Variants in PAMR1 observed in about 807,000 individuals in gnomAD.
PAMR1 encodes the protein inactive serine protease PAMR1.
PAMR1 carries 88 observed loss-of-function variants against 81.8 expected under a neutral mutation model. That is an observed-to-expected ratio of 1.08 (90% CI 0.91 to 1.28). The LOEUF (loss-of-function observed/expected upper bound fraction) is 1.28, where lower values mean the gene tolerates loss of function less well. Ranked by LOEUF, PAMR1 falls within the 50% of genes most tolerant of loss-of-function variation. The pLI, the probability that PAMR1 is intolerant of heterozygous loss-of-function variation, is 0.00. For missense variants in PAMR1, 935 were observed against 919.7 expected (o/e 1.02, Z -0.21); for synonymous variants, 336 against 345.3 (o/e 0.97, Z 0.30).
intron 6 of PAMR1, among the ~76,000 whole-genome samples, chr11:35,452,412 A>G (rs545134858): frequency 1.3e-5 from 2 of 152,336 alleles, no homozygotes; most frequent in Admixed American, 1.3e-4. Context: ...CATCCAAGAA[A>G]GAGAAGGGAC....
chr11:35,524,826 A>G lies in PAMR1; in HGVS notation c.73+687T>C, dbSNP rs145831207. The stretch of plus-strand genomic sequence containing the variant: ...CCCCAGAAGCCCATTTGACCTGGGG[A>G]TTGTGGCTTAGAAAATGATATATGA... On this transcript the variant is annotated intron_variant, in intron 1 of 10. Transcript: ENST00000619888. Among the ~76,000 whole-genome samples, 382 of 152,218 alleles carry G rather than the reference A, an allele frequency of 2.5e-3. 1 individual carries two copies. Among genetic ancestry groups the G allele is most frequent in the African/African-American group, 8.7e-3 (363 of 41,504 alleles).
intron 3 of PAMR1, among the ~76,000 whole-genome samples, chr11:35,475,061 A>C (rs1174419736): frequency 6.6e-6 from 1 of 152,186 alleles, no homozygotes; most frequent in Admixed American, 6.5e-5. Context: ...CAAAGACTCA[A>C]ACCTAACTGT....
Position 35,466,914 on chromosome 11 carries a change from C to T in PAMR1, c.820+1087G>A, listed in dbSNP as rs376426310. 4.6e-5 allele frequency among the ~76,000 whole-genome samples: 7 copies of T among 151,830 alleles called. No individual in the cohort carries two copies. The East Asian group carries it at 5.8e-4, about 13-fold the overall frequency. ...GGTCTATTTTCTGTGTTTCTGTGGG[C>T]CCTTTTCCCCTCCCCATCCTATGGT... On this transcript the variant is annotated intron_variant, in intron 6 of 10. Coordinates refer to ENST00000619888, the MANE Select transcript of PAMR1 (RefSeq NM_001001991.3).
intron 1 of PAMR1, among the ~76,000 whole-genome samples, chr11:35,499,599 T>C (rs1285096082): frequency 6.6e-6 from 1 of 152,208 alleles, no homozygotes; most frequent in Admixed American, 6.5e-5. Flanking sequence ...GTCTCCCTTT[T>C]ACCCAGGAAT....
rs150589932 is a variant in PAMR1 at position 35,482,805 on chromosome 11, T to A, written c.380-8061A>T. 6.9e-3 allele frequency among the ~76,000 whole-genome samples: 1,046 copies of A among 152,304 alleles called. 6 individuals carry two copies. The highest frequency in any genetic ancestry group is 0.024 in the African/African-American group (979 of 41,554). On this transcript the variant is annotated intron_variant, in intron 3 of 10. Coordinates refer to ENST00000619888, the MANE Select transcript of PAMR1 (RefSeq NM_001001991.3). ...TTGTTCTCTTTGTAGCAATTGTGAA[T>A]GGGAGTTCATTCATGACTTGGCTCT...
intron 3 of PAMR1, among the ~76,000 whole-genome samples, chr11:35,485,147 T>C (rs1462011231): frequency 6.6e-6 from 1 of 152,138 alleles, no homozygotes; most frequent in African/African-American, 2.4e-5. Context: ...AGGGGTAGAA[T>C]GCAAGTAAGT....
rs184802412 is a variant in PAMR1 at position 35,479,278 on chromosome 11, G to A, written c.380-4534C>T. Among the ~76,000 whole-genome samples the A allele has an allele frequency of 1.2e-4, 18 of 152,242 alleles. No individual in the cohort carries two copies. In the East Asian group the frequency reaches 2.5e-3, roughly 21 times the overall value. ...GATGACACAGTCTGTGATGCCAGCC[G>A]GGGTCCGAATCTTAGTTCGGCCACT... On this transcript the variant is annotated intron_variant, in intron 3 of 10. Coordinates refer to ENST00000619888, the MANE Select transcript of PAMR1 (RefSeq NM_001001991.3).
intron 1 of PAMR1, among the ~76,000 whole-genome samples, chr11:35,504,242 T>C (rs1254884456): frequency 6.6e-6 from 1 of 152,174 alleles, no homozygotes; most frequent in Non-Finnish European, 1.5e-5. Context: ...TCATGGTGAA[T>C]GATCCTTCTA....
intron 6 of PAMR1, among the ~76,000 whole-genome samples, chr11:35,442,565 A>G (rs533532166): frequency 6.6e-6 from 1 of 151,948 alleles, no homozygotes; most frequent in Admixed American, 6.6e-5. Context: ...CTATCAACCT[A>G]TCAGCCTCCC....
chr11:35,468,006 T>C lies in PAMR1; in HGVS notation c.815A>G (p.Glu272Gly), dbSNP rs1275822702. 4 of 1,553,714 alleles carry C rather than the reference T, an allele frequency of 2.6e-6. No homozygotes were observed. The African/African-American group carries it at 5.4e-5, about 21-fold the overall frequency. ...CACTTAGGAAGCATACTCACGATTT[T>C]CACAGCGCTGCCCAGTATAGCCTGC... ...CLAGYTGQRC[E>G]NLLEERNCSD... is the part of the protein sequence containing the mutation. Residue 272 changes from glutamate to glycine, a missense_variant, in exon 6 of 11, where the codon GAA (glutamate) becomes GGA (glycine). Transcript: ENST00000619888.
intron 6 of PAMR1, among the ~76,000 whole-genome samples, chr11:35,446,438 A>G (rs1590323514): frequency 6.6e-6 from 1 of 152,152 alleles, no homozygotes; most frequent in Non-Finnish European, 1.5e-5. Context: ...TAGGATATCA[A>G]TTTGAGATCT....
At chr11:35,464,413 T>A (rs1042873952) in intron 6 of PAMR1, among the ~76,000 whole-genome samples, 5 of 152,186 alleles carry the variant, frequency 3.3e-5, no homozygotes, top group African/African-American at 1.2e-4. Context: ...AAAACAAGGT[T>A]TTTCAACCTT....
chr11:35,465,633 T>C (rs1339939830), intron 6 of PAMR1, among the ~76,000 whole-genome samples: 1 of 152,200 alleles, frequency 6.6e-6, no homozygotes, highest in Non-Finnish European at 1.5e-5. Flanking sequence ...ACCTGGATCT[T>C]ACAGAAAACA....
chr11:35,501,011 A>G (rs7946052), intron 1 of PAMR1, among the ~76,000 whole-genome samples: 11,090 of 152,264 alleles, frequency 0.073, 538 homozygotes, highest in East Asian at 0.16. Flanking sequence ...ATCACTGTAC[A>G]CTACTGTAGA....
chr11:35,446,477 G>A (rs1856295195), intron 6 of PAMR1, among the ~76,000 whole-genome samples: 1 of 150,920 alleles, frequency 6.6e-6, no homozygotes, highest in Non-Finnish European at 1.5e-5. Flanking sequence ...GGCATTTAGT[G>A]CTATAAATTT....
chr11:35,491,457 C>T lies in PAMR1; in HGVS notation c.379+588G>A, dbSNP rs114178889. ...CTTGAGATACAGACTCTCAGAGGGA[C>T]ATTCATCATTCAGGGCACTGTCGGG... is the stretch of plus-strand genomic sequence containing the variant. On this transcript the variant is annotated intron_variant, in intron 3 of 10. Coordinates refer to ENST00000619888, the MANE Select transcript of PAMR1 (RefSeq NM_001001991.3). Among the ~76,000 whole-genome samples, 1,357 of 152,308 alleles carry T rather than the reference C, an allele frequency of 8.9e-3. 14 individuals carry two copies. Among genetic ancestry groups the T allele is most frequent in the African/African-American group, 0.03 (1,256 of 41,554 alleles).
At chr11:35,525,836 C>G (rs972070604), upstream of PAMR1, 46 of 554,944 alleles carry the variant, frequency 8.3e-5, no homozygotes, top group African/African-American at 7.3e-4. Flanking sequence ...CGCCTGGAGA[C>G]CCGCGGACGG....
chr11:35,453,176 C>T (rs1006686354), intron 6 of PAMR1, among the ~76,000 whole-genome samples: 2 of 152,196 alleles, frequency 1.3e-5, no homozygotes, highest in Non-Finnish European at 1.5e-5. Flanking sequence ...GCACAGTTTC[C>T]TTTTCCCTTA....
rs569128592 is a variant in PAMR1 at position 35,521,904 on chromosome 11, TTTTTTGTTTGG to T, written c.73+3598_73+3608del. Among the ~76,000 whole-genome samples, 60 of 151,714 alleles carry T rather than the reference TTTTTTGTTTGG, an allele frequency of 4.0e-4. 2 individuals are homozygous for T. The South Asian group carries it at 0.012, about 30-fold the overall frequency. ...TAACAAAAAATTACCTTTCAAATCG[TTTTTTGTTTGG>T]TTTTTTTTTGTTTTGTTTTGTTTTG... On this transcript the variant is annotated intron_variant, in intron 1 of 10. Coordinates refer to ENST00000619888, the MANE Select transcript of PAMR1 (RefSeq NM_001001991.3).
Sources: allele counts gnomAD v4.1 joint callset (sites outside exome capture counted in the v4.1 genomes callset), GRCh38; gene constraint gnomAD v4.1.1; transcripts MANE v1.5; gene names NCBI Gene and HGNC (gene_info 2026-07-23, HGNC 2026-07-21).